The following NEB variants were observed in gnomAD, a reference collection of about 807,000 sequenced individuals.
NEB encodes the protein nemaline myopathy type 2.
A neutral mutation model predicts 952.2 loss-of-function variants in NEB; 512 were observed. The ratio of observed to expected loss-of-function variants is 0.54; its 90% CI spans 0.50 to 0.58. The LOEUF (loss-of-function observed/expected upper bound fraction) is 0.58, where lower values mean the gene tolerates loss of function less well. Among genes scored for constraint, NEB ranks in the 20% least tolerant of loss-of-function variants. NEB has a pLI of 0.00. For synonymous variants in NEB, 2,900 were observed against 3,149.8 expected (o/e 0.92, Z 2.66); for missense variants, 8,428 against 9,231.1 (o/e 0.91, Z 3.56).
chr2:151,718,089 A>C (rs2099764501), intron 9 of NEB, among the ~76,000 whole-genome samples: 1 of 152,000 alleles, frequency 6.6e-6, no homozygotes, highest in Admixed American at 6.6e-5. Context: ...TCCTGACCTC[A>C]TGGTCTGCCT....
At chr2:151,491,976 T>C in intron 178 of NEB, 122 bp downstream of exon 178, 2 of 1,141,934 alleles carry the variant, frequency 1.8e-6, no homozygotes, top group Non-Finnish European at 2.5e-6. Context: ...AGGAGCTTTC[T>C]TGCACCTCTA....
chr2:151,508,156 A>C, intron 161 of NEB, 47 bp from the exon 162 acceptor site: 1 of 1,328,564 alleles, frequency 7.5e-7, no homozygotes, highest in Non-Finnish European at 1.1e-6. Context: ...CCACAGGGAT[A>C]TAGGCCAATG....
intron 136 of NEB, 135 bp downstream of exon 136, chr2:151,541,312 G>T: frequency 4.9e-6 from 3 of 608,384 alleles, no homozygotes; most frequent in Non-Finnish European, 8.7e-6. Flanking sequence ...GCTTCTTCAA[G>T]TGCAGTGTTA....
chr2:151,515,119 GA>G (rs1437322734), intron 157 of NEB, among the ~76,000 whole-genome samples, 191 bp from the exon 158 acceptor site: 7 of 152,146 alleles, frequency 4.6e-5, no homozygotes, highest in African/African-American at 1.7e-4. Flanking sequence ...TGGCCACAAG[GA>G]AATTCAGGCT....
At position 151,665,511 on chromosome 2, in the gene NEB, C is replaced by T. The variant is rs1377396937; in HGVS notation, c.5060G>A (p.Trp1687Ter). 1.2e-6 allele frequency: 2 copies of T among 1,609,376 alleles called. No homozygotes were observed. The part of the protein sequence containing the change: ...DNLYKSDFTN[W>*]MKGIGWVPIE... ...GGGCACCCAGCCGATCCCTTTCATC[C>T]AATTGGTGAAGTCAGATTTGTACAG... The change falls in exon 42 of 182, where the codon TGG (tryptophan) becomes TAG (stop). Residue 1687 changes from tryptophan to a stop codon, truncating the protein, a stop_gained. Transcript: ENST00000397345. LOFTEE classifies it high-confidence loss of function.
intron 44 of NEB, 111 bp downstream of exon 44, chr2:151,664,390 G>T: frequency 2.8e-6 from 2 of 708,728 alleles, no homozygotes; most frequent in South Asian, 2.3e-5. Flanking sequence ...CACATGGGAT[G>T]GCATTCCCAC....
intron 10 of NEB, among the ~76,000 whole-genome samples, chr2:151,716,461 T>C (rs1301323150): frequency 6.6e-6 from 1 of 152,188 alleles, no homozygotes; most frequent in Non-Finnish European, 1.5e-5. Flanking sequence ...CAATGGATCA[T>C]GTATTTATGT....
At chr2:151,546,292 G>GTT in intron 134 of NEB, 53 bp downstream of exon 134, 1 of 1,405,698 alleles carries the variant, frequency 7.1e-7, no homozygotes, top group Admixed American at 1.9e-5. Flanking sequence ...GCTGGTGATG[G>GTT]GGGCATCCAG....
At chr2:151,552,559 G>T in intron 128 of NEB, 113 bp downstream of exon 128, 1 of 682,612 alleles carries the variant, frequency 1.5e-6, no homozygotes, top group Admixed American at 2.6e-5. Flanking sequence ...ACCAACTCTG[G>T]TTTCCCAGTT....
At chr2:151,566,266 G>A (rs2096387485) in intron 114 of NEB, among the ~76,000 whole-genome samples, 1 of 152,146 alleles carries the variant, frequency 6.6e-6, no homozygotes, top group South Asian at 2.1e-4. Flanking sequence ...TTCACGTATT[G>A]GGTAGGGGAG....
chr2:151,488,478 CAAAAAA>C (rs567755362), intron 181 of NEB, among the ~76,000 whole-genome samples: 1 of 95,762 alleles, frequency 1.0e-5, no homozygotes, highest in East Asian at 2.7e-4. Flanking sequence ...GAGCCTCTAC[CAAAAAA>C]AAAAAAAAAA....
At chr2:151,717,884 C>T (rs1369872138) in intron 9 of NEB, among the ~76,000 whole-genome samples, 51 of 147,462 alleles carry the variant, frequency 3.5e-4, no homozygotes, top group Non-Finnish European at 6.1e-4. Flanking sequence ...GACGGAGTCT[C>T]ACTATGTTGC....
intron 165 of NEB, among the ~76,000 whole-genome samples, chr2:151,504,431 G>A (rs1431161444): frequency 6.6e-6 from 1 of 152,188 alleles, no homozygotes; most frequent in Non-Finnish European, 1.5e-5. Context: ...TGACAAAGGA[G>A]CCTAGGCTAG....
chr2:151,636,286 A>C lies in NEB; in HGVS notation c.9043T>G (p.Leu3015Val), dbSNP rs1206698447. ...NEEAKKKGYD[L>V]RSDAIPIVAA... ...ACGATGGGGATGGCGTCGCTTCGCAAGTCATAGCCTTTCTTCTTTGCTTCT... is the reference window on the plus strand; with the variant it reads ...ACGATGGGGATGGCGTCGCTTCGCACGTCATAGCCTTTCTTCTTTGCTTCT... Residue 3015 changes from leucine to valine, a missense_variant, in exon 64 of 182, where the codon TTG becomes GTG. By Grantham distance (32) the Leu-to-Val change is conservative. Transcript: ENST00000397345. The C allele has an allele frequency of 6.2e-7, 1 of 1,609,894 alleles. No homozygotes were observed. The highest frequency in any genetic ancestry group is 2.2e-5 in the East Asian group (1 of 44,866).
At chr2:151,507,081 T>C in intron 162 of NEB, 68 bp from the exon 163 acceptor site, 1 of 985,404 alleles carries the variant, frequency 1.0e-6, no homozygotes, top group Non-Finnish European at 1.6e-6. Context: ...TTGTCCTATA[T>C]TATGTGAAGA....
At chr2:151,722,635 C>T (rs2099777979) in intron 9 of NEB, among the ~76,000 whole-genome samples, 1 of 152,086 alleles carries the variant, frequency 6.6e-6, no homozygotes. Context: ...CCTCGACCTC[C>T]TGGGTTCAAG....
intron 51 of NEB, among the ~76,000 whole-genome samples, chr2:151,654,956 G>A (rs1335566050): frequency 6.6e-6 from 1 of 152,036 alleles, no homozygotes; most frequent in East Asian, 1.9e-4. Context: ...TGAGTAGCTG[G>A]GACTACAGGT....
intron 74 of NEB, 57 bp downstream of exon 74, chr2:151,618,217 AT>A: frequency 6.8e-7 from 1 of 1,468,344 alleles, no homozygotes; most frequent in South Asian, 1.2e-5. Context: ...ATATATCAGA[AT>A]TTTTAAATTG....
intron 157 of NEB, among the ~76,000 whole-genome samples, 154 bp downstream of exon 157, chr2:151,516,305 G>C (rs1238453392): frequency 1.3e-5 from 2 of 152,138 alleles, no homozygotes; most frequent in African/African-American, 4.8e-5. Context: ...TGAACCATAG[G>C]ATTTCTGAGA....
Sources: allele counts gnomAD v4.1 joint callset (sites outside exome capture counted in the v4.1 genomes callset), GRCh38; gene constraint gnomAD v4.1.1; transcripts MANE v1.5; gene names NCBI Gene and HGNC (gene_info 2026-07-23, HGNC 2026-07-21).